The following RTTN variants were observed in gnomAD, a reference collection of about 807,000 sequenced individuals.
The protein encoded by RTTN is rotatin.
A neutral mutation model predicts 269.2 loss-of-function variants in RTTN; 182 were observed. The observed-to-expected ratio is 0.68, with a 90% CI of 0.60 to 0.76. The LOEUF (loss-of-function observed/expected upper bound fraction) is 0.76. Among genes scored for constraint, RTTN ranks in the 30% least tolerant of loss-of-function variants. RTTN has a pLI of 0.00. For synonymous variants in RTTN, 1,006 were observed against 963.5 expected (o/e 1.04, Z -0.82); for missense variants, 2,545 against 2,608.6 (o/e 0.98, Z 0.53).
chr18:70,041,421 C>A (rs763682874), intron 40 of RTTN, among the ~76,000 whole-genome samples: 24 of 151,438 alleles, frequency 1.6e-4, no homozygotes, highest in Middle Eastern at 3.4e-3. Flanking sequence ...AACGAGAAAG[C>A]AGATGGATGA....
At chr18:70,047,910 AC>A in intron 40 of RTTN, 60 bp downstream of exon 40, 1 of 1,311,724 alleles carries the variant, frequency 7.6e-7, no homozygotes, top group Non-Finnish European at 1.1e-6. Flanking sequence ...CAAGACCATG[AC>A]TGAAAGTCAA....
In RTTN at chr18:70,067,245, C is replaced by T. The variant is rs1365008686; in HGVS notation, c.4654-1323G>A. Among the ~76,000 whole-genome samples, 26 of 151,760 alleles carry T rather than the reference C, an allele frequency of 1.7e-4. 1 individual carries two copies. The South Asian group carries it at 2.1e-3, about 12-fold the overall frequency. On this transcript the variant is annotated intron_variant, in intron 34 of 48. Transcript: ENST00000640769. ...CACGATCTCGGCTCACTGCAAGCTC[C>T]GCCTCCCGGGTTCACGCCATTCTCC...
chr18:70,110,009 A>G (rs1038874262), intron 27 of RTTN, among the ~76,000 whole-genome samples: 5 of 152,122 alleles, frequency 3.3e-5, no homozygotes, highest in African/African-American at 1.2e-4. Context: ...GCTTGCGGCC[A>G]GCTTGAGCAA....
chr18:70,075,527 A>G lies in RTTN; in HGVS notation c.4389T>C (p.His1463=), dbSNP rs375174343. Residue 1463 remains histidine (H), a synonymous_variant, in exon 33 of 49, where the codon CAT becomes CAC. Transcript: ENST00000640769. ...TGAGCGATAGGCCAGAGTCCTCATC[A>G]TGAACACAGGGACCCTGTAGGAAGA... ...KDYTWQGPCV[H]DEDSGLSLIG... The G allele has an allele frequency of 1.3e-6, 2 of 1,579,716 alleles. No individual in the cohort carries two copies. The highest frequency in any genetic ancestry group is 1.4e-5 in the African/African-American group (1 of 72,474).
intron 25 of RTTN, among the ~76,000 whole-genome samples, chr18:70,124,563 T>A (rs182120763): frequency 1.5e-4 from 23 of 152,156 alleles, no homozygotes; most frequent in African/African-American, 4.3e-4. Flanking sequence ...AACAGAAGTG[T>A]ATGCCCTAAA....
chr18:70,066,752 G>A (rs1486253561), intron 34 of RTTN, among the ~76,000 whole-genome samples: 1 of 152,042 alleles, frequency 6.6e-6, no homozygotes, highest in Non-Finnish European at 1.5e-5. Flanking sequence ...ATCCTATATA[G>A]CTCACAGTAT....
intron 48 of RTTN, among the ~76,000 whole-genome samples, chr18:70,004,442 CTTACCCAGA>C (rs2056118539): frequency 6.6e-6 from 1 of 152,006 alleles, no homozygotes; most frequent in South Asian, 2.1e-4. Context: ...AAATTAACAG[CTTACCCAGA>C]GTATTTTTTA....
chr18:70,094,764 A>T (rs1329138590), intron 28 of RTTN, among the ~76,000 whole-genome samples: 1 of 151,930 alleles, frequency 6.6e-6, no homozygotes, highest in Admixed American at 6.5e-5. Context: ...TATTCTGTTG[A>T]TTTGGGGTGG....
chr18:70,043,473 A>G (rs2057402939), intron 40 of RTTN, among the ~76,000 whole-genome samples: 2 of 152,164 alleles, frequency 1.3e-5, no homozygotes, highest in South Asian at 4.1e-4. Flanking sequence ...CTCATTTTCC[A>G]TAGTAGGAAT....
Position 70,188,192 on chromosome 18 carries a change from T to C in RTTN, c.1221A>G (p.Glu407=), listed in dbSNP as rs112327299. ...GSRQVIIRVL[E]LLTEDMTLIG... ...TAAGTGTCATATCCTCTGTAAGCAA[T>C]TCCAGAACTCTTATTATCACTTGTC... Residue 407 remains glutamate, a synonymous_variant, in exon 10 of 49, where the codon GAA becomes GAG. Transcript: ENST00000640769. The C allele has an allele frequency of 1.4e-4, 231 of 1,609,916 alleles. 1 individual carries two copies. In the African/African-American group the frequency reaches 2.4e-3, roughly 17 times the overall value.
At chr18:70,062,476 CTT>C (rs2058016459) in intron 35 of RTTN, among the ~76,000 whole-genome samples, 1 of 152,136 alleles carries the variant, frequency 6.6e-6, no homozygotes, top group Admixed American at 6.5e-5. Flanking sequence ...TAAATTTCCC[CTT>C]CTTTCATATG....
In RTTN at chr18:70,088,097, C is replaced by A. The variant is rs776259891; in HGVS notation, c.4194G>T (p.Thr1398=). 6.2e-7 allele frequency: 1 copy of A among 1,613,878 alleles called. No individual in the cohort carries two copies. Residue 1398 remains threonine (T), a synonymous_variant, in exon 31 of 49, where the codon ACG becomes ACT. Transcript: ENST00000640769. ...AACTGTTTGCTAAGGCCACACAGCC[C>A]GTTTCAAGGGTGGTCAGTGCTGATC... ...GLGSALTTLE[T]GCVALANSCQ... is the part of the protein sequence containing the mutation.
At chr18:70,127,393 T>C in intron 25 of RTTN, 109 bp downstream of exon 25, 10 of 1,270,342 alleles carry the variant, frequency 7.9e-6, no homozygotes, top group Non-Finnish European at 1.1e-5. Flanking sequence ...TTTTTCTTTC[T>C]ATGATAGCAG....
rs372520995 is a variant in RTTN at position 70,048,045 on chromosome 18, T to C, written c.5467A>G (p.Thr1823Ala). 8.1e-6 allele frequency: 13 copies of C among 1,614,056 alleles called. No homozygotes were observed. The highest frequency in any genetic ancestry group is 2.7e-5 in the African/African-American group (2 of 74,956). ...KSKTHLCCSPTVASLLDDSQE... is the reference protein window; with the variant it reads ...KSKTHLCCSPAVASLLDDSQE... ...GAGTCATCAAGAAGTGAAGCCACTG[T>C]TGGACTACAGCATAAATGTGTTTTG... The change falls in exon 40 of 49, where the codon ACA becomes GCA. Residue 1823 changes from threonine to alanine, a missense_variant. Thr to Ala is a moderately conservative substitution (Grantham distance 58). Coordinates refer to ENST00000640769, the MANE Select transcript of RTTN (RefSeq NM_173630.4).
intron 28 of RTTN, among the ~76,000 whole-genome samples, chr18:70,093,293 A>C (rs1369002908): frequency 6.6e-6 from 1 of 150,484 alleles, no homozygotes; most frequent in Admixed American, 6.6e-5. Context: ...GTGCCCTCCT[A>C]GTACACAGTT....
In RTTN at chr18:70,176,717, CAG is replaced by C. The variant is rs774811412; in HGVS notation, c.1432_1433del (p.Leu478ValfsTer13). The C allele has an allele frequency of 1.2e-6, 2 of 1,613,840 alleles. No individual in the cohort carries two copies. The highest frequency in any genetic ancestry group is 2.2e-5 in the East Asian group (1 of 44,862). ...GCGTTTGTAGCAGTCGAACTGCAAA[CAG>C]GGAAATGCTGATAAAGGCCATTCTG... Reference protein sequence around the residue: ...HHRMAFISISLFAVRLLQTLL... With the variant: ...HHRMAFISISXFAVRLLQTLL... On this transcript the variant is annotated frameshift_variant, in exon 11 of 49. Coordinates refer to ENST00000640769, the MANE Select transcript of RTTN (RefSeq NM_173630.4). LOFTEE classifies it high-confidence loss of function.
intron 40 of RTTN, among the ~76,000 whole-genome samples, chr18:70,044,251 G>T (rs750678070): frequency 6.6e-6 from 1 of 152,100 alleles, no homozygotes; most frequent in Non-Finnish European, 1.5e-5. Context: ...CACTAAATGT[G>T]AGCACAAAAT....
intron 40 of RTTN, among the ~76,000 whole-genome samples, chr18:70,031,711 A>G (rs1210095311): frequency 6.6e-6 from 1 of 151,286 alleles, no homozygotes. Context: ...GGCCAACTAG[A>G]TACAGCCAGG....
rs1006825223 is a variant in RTTN, at chr18:70,072,387, CAA to C, written c.4653+1517_4653+1518del. On this transcript the variant is annotated intron_variant, in intron 34 of 48. Coordinates refer to ENST00000640769, the MANE Select transcript of RTTN (RefSeq NM_173630.4). ...TAAAAGTCTGTGTTACATTCAAACACAAACAAGTTAAAGACCTTCACTTTAAT... is the reference window on the plus strand; with the variant it reads ...TAAAAGTCTGTGTTACATTCAAACACACAAGTTAAAGACCTTCACTTTAAT... Among the ~76,000 whole-genome samples the C allele has an allele frequency of 1.8e-4, 28 of 152,170 alleles. No individual in the cohort carries two copies. The East Asian group carries it at 5.0e-3, about 27-fold the overall frequency.
Sources: gnomAD v4.1 joint callset for allele counts (sites outside exome capture counted in the v4.1 genomes callset) on GRCh38, gnomAD v4.1.1 for gene constraint, MANE v1.5 for transcripts, NCBI Gene and HGNC (gene_info 2026-07-23, HGNC 2026-07-21) for gene names.